Variants in ELMO1 observed in about 807,000 individuals in gnomAD.
ELMO1 encodes the protein engulfment and cell motility 1, also known as engulfment and cell motility protein 1.
Under a neutral mutation model 98.9 loss-of-function variants are expected in ELMO1, and 26 were observed. The ratio of observed to expected loss-of-function variants is 0.26; its 90% CI spans 0.19 to 0.36. The LOEUF (loss-of-function observed/expected upper bound fraction) is 0.36, where lower values mean the gene tolerates loss of function less well. ELMO1 is among the 10% of genes least tolerant of loss of function. The probability of loss-of-function intolerance (pLI) is 1.00; values close to 1 mark genes in which losing one functional copy is unlikely to be tolerated. For synonymous variants in ELMO1, 346 were observed against 346.0 expected, an observed-to-expected ratio of 1.00 and a Z score of 0.00; for missense variants, 627 against 935.2, an observed-to-expected ratio of 0.67 and a Z score of 4.30.
intron 16 of ELMO1, among the ~76,000 whole-genome samples, chr7:36,984,121 GCTGA>G (rs1162855826): frequency 6.6e-6 from 1 of 152,172 alleles, no homozygotes; most frequent in East Asian, 1.9e-4. Flanking sequence ...ACTCTAACGA[GCTGA>G]CTGTCACTTA....
At chr7:37,092,442 A>G (rs1262332868) in intron 15 of ELMO1, among the ~76,000 whole-genome samples, 2 of 135,690 alleles carry the variant, frequency 1.5e-5, no homozygotes, top group Admixed American at 8.8e-5. Flanking sequence ...GCAGTGGTGC[A>G]ATCTCAGCTC....
intron 16 of ELMO1, among the ~76,000 whole-genome samples, chr7:36,941,633 G>A (rs2129095535): frequency 6.6e-6 from 1 of 152,292 alleles, no homozygotes; most frequent in Admixed American, 6.5e-5. Context: ...GTCACTTTGA[G>A]CATTTGACAT....
intron 13 of ELMO1, among the ~76,000 whole-genome samples, chr7:37,150,264 G>T (rs551788042): frequency 3.9e-5 from 5 of 127,150 alleles, no homozygotes; most frequent in African/African-American, 1.4e-4. Flanking sequence ...TTTACAACAG[G>T]CTATGCGGAA....
Position 36,937,359 on chromosome 7 carries a change from C to A in ELMO1, c.1438-42342G>T, listed in dbSNP as rs550061196. Among the ~76,000 whole-genome samples, 34 of 152,214 alleles carry A rather than the reference C, an allele frequency of 2.2e-4. No individual in the cohort carries two copies. In the East Asian group the frequency reaches 6.0e-3, roughly 27 times the overall value. ...GAGACTGAAGTGATGCAGCTGCAAGCGAGGAAATGCCAAGGATGGCCAGCA... is the reference window on the plus strand; with the variant it reads ...GAGACTGAAGTGATGCAGCTGCAAGAGAGGAAATGCCAAGGATGGCCAGCA... On this transcript the variant is annotated intron_variant, in intron 16 of 21. Coordinates refer to ENST00000310758, the MANE Select transcript of ELMO1 (RefSeq NM_014800.11).
chr7:37,023,868 G>T (rs1794419188), intron 15 of ELMO1, among the ~76,000 whole-genome samples: 1 of 152,158 alleles, frequency 6.6e-6, no homozygotes, highest in Non-Finnish European at 1.5e-5. Flanking sequence ...ACAGGCATGA[G>T]CCACCGGCCT....
At chr7:37,002,851 T>G (rs1792778827) in intron 16 of ELMO1, among the ~76,000 whole-genome samples, 1 of 152,136 alleles carries the variant, frequency 6.6e-6, no homozygotes, top group Non-Finnish European at 1.5e-5. Context: ...GCTCTGCTCT[T>G]AGGAAGCCAG....
intron 16 of ELMO1, among the ~76,000 whole-genome samples, chr7:36,991,216 C>T (rs571190798): frequency 6.6e-6 from 1 of 152,298 alleles, no homozygotes; most frequent in African/African-American, 2.4e-5. Context: ...GGCTCTTCTC[C>T]ACCTACATCT....
intron 1 of ELMO1, among the ~76,000 whole-genome samples, chr7:37,373,705 A>G (rs1008193732): frequency 1.3e-5 from 2 of 152,234 alleles, no homozygotes; most frequent in Non-Finnish European, 2.9e-5. Flanking sequence ...ATACATTATC[A>G]TAAACGCTTA....
At chr7:37,143,703 G>A (rs563605554) in intron 13 of ELMO1, among the ~76,000 whole-genome samples, 437 of 120,324 alleles carry the variant, frequency 3.6e-3, no homozygotes, top group African/African-American at 0.013. Context: ...AGCCACTGCA[G>A]CCGGTCGATT....
intron 13 of ELMO1, among the ~76,000 whole-genome samples, chr7:37,148,230 C>T (rs1169984857): frequency 1.3e-5 from 2 of 152,182 alleles, no homozygotes; most frequent in Admixed American, 6.5e-5. Context: ...AAAAATAGTA[C>T]CTGCCTTCAA....
At chr7:37,202,251 G>C (rs983141161) in intron 13 of ELMO1, among the ~76,000 whole-genome samples, 15 of 152,238 alleles carry the variant, frequency 9.9e-5, no homozygotes, top group Non-Finnish European at 1.8e-4. Context: ...AAGGGATATA[G>C]GGAAAAGTGA....
intron 15 of ELMO1, among the ~76,000 whole-genome samples, chr7:37,074,527 C>T (rs1797457807): frequency 6.6e-6 from 1 of 152,180 alleles, no homozygotes; most frequent in African/African-American, 2.4e-5. Context: ...ACTCTGTGGC[C>T]TGGGTTCCCA....
chr7:37,345,958 C>T (rs1379243834), intron 1 of ELMO1, among the ~76,000 whole-genome samples: 1 of 149,692 alleles, frequency 6.7e-6, no homozygotes, highest in African/African-American at 2.5e-5. Flanking sequence ...CACTGCACTC[C>T]AGCCTGGGCA....
chr7:37,078,183 A>G (rs1247802851), intron 15 of ELMO1, among the ~76,000 whole-genome samples: 2 of 152,196 alleles, frequency 1.3e-5, no homozygotes, highest in African/African-American at 4.8e-5. Flanking sequence ...GGGCACGATT[A>G]TATTCATCTT....
At position 37,113,063 on chromosome 7, in the gene ELMO1, A is replaced by C. The variant is rs74552708; in HGVS notation, c.1192-16336T>G. ...AGGCCATTTTGGGGCATACCGATAT[A>C]GTTTCTAATTTGGTTTTCACTCCAG... is the stretch of plus-strand genomic sequence containing the variant. On this transcript the variant is annotated intron_variant, in intron 14 of 21. Coordinates refer to ENST00000310758, the MANE Select transcript of ELMO1 (RefSeq NM_014800.11). Among the ~76,000 whole-genome samples, 1,150 of 152,334 alleles carry C rather than the reference A, an allele frequency of 7.5e-3. 15 individuals are homozygous for C. The highest frequency in any genetic ancestry group is 0.025 in the African/African-American group (1,053 of 41,576).
At chr7:37,136,242 A>G (rs1239461271) in intron 13 of ELMO1, among the ~76,000 whole-genome samples, 2 of 152,246 alleles carry the variant, frequency 1.3e-5, no homozygotes, top group Non-Finnish European at 2.9e-5. Context: ...GTCCAAACCT[A>G]AGAATAATTG....
rs1794896979 is a variant in ELMO1 at position 37,244,395 on chromosome 7, CA to C, written c.414-5del. ...CTTCTGCAATTTCTGGTATCGCCTG[CA>C]AAATTTAAAAACAACCATGTGAGGA... On this transcript the variant is annotated splice_polypyrimidine_tract_variant and splice_region_variant and intron_variant, in intron 6 of 21. Coordinates refer to ENST00000310758, the MANE Select transcript of ELMO1 (RefSeq NM_014800.11). The C allele has an allele frequency of 9.3e-6, 15 of 1,612,228 alleles. No homozygotes were observed. Among genetic ancestry groups the C allele is most frequent in the African/African-American group, 2.7e-5 (2 of 74,802 alleles).
rs553117607 is a variant in ELMO1 at position 36,972,167 on chromosome 7, A to G, written c.1437+41132T>C. ...TCTAAGAAGCAGGTATTATTATTCTATTTTACAAGAGACACCATTAGGGCC... is the reference window on the plus strand; with the variant it reads ...TCTAAGAAGCAGGTATTATTATTCTGTTTTACAAGAGACACCATTAGGGCC... On this transcript the variant is annotated intron_variant, in intron 16 of 21. Transcript: ENST00000310758. Among the ~76,000 whole-genome samples the G allele has an allele frequency of 2.6e-5, 4 of 152,262 alleles. No individual in the cohort carries two copies. In the East Asian group the frequency reaches 5.8e-4, roughly 22 times the overall value.
chr7:37,089,993 G>A (rs1428569605), intron 15 of ELMO1, among the ~76,000 whole-genome samples: 2 of 152,164 alleles, frequency 1.3e-5, no homozygotes, highest in South Asian at 2.1e-4. Context: ...AAGAAAACAC[G>A]AGAGAAAGTG....
Sources: allele counts gnomAD v4.1 joint callset (sites outside exome capture counted in the v4.1 genomes callset), GRCh38; gene constraint gnomAD v4.1.1; transcripts MANE v1.5; gene names NCBI Gene and HGNC (gene_info 2026-07-23, HGNC 2026-07-21).